Variants in DLG2 observed in about 807,000 individuals in gnomAD.
DLG2 encodes disks large homolog 2.
In DLG2, 45 loss-of-function variants were observed where a neutral mutation model predicts 132.5. That is an observed-to-expected ratio of 0.34 (90% CI 0.27 to 0.44). The LOEUF (loss-of-function observed/expected upper bound fraction) is 0.44. Ranked by LOEUF, DLG2 falls within the 20% of genes least tolerant of loss-of-function variation. The pLI, the probability that DLG2 is intolerant of heterozygous loss-of-function variation, is 1.00. For synonymous variants in DLG2, 424 were observed against 419.6 expected (o/e 1.01, Z -0.13); for missense variants, 1,045 against 1,196.9 (o/e 0.87, Z 1.87).
intron 7 of DLG2, among the ~76,000 whole-genome samples, chr11:84,424,715 T>A (rs867243085): frequency 1.3e-5 from 2 of 152,096 alleles, no homozygotes; most frequent in Non-Finnish European, 2.9e-5. Context: ...ACAGTTTCTT[T>A]AAGGCATTTT....
chr11:85,170,267 G>C (rs1001802939), intron 4 of DLG2, among the ~76,000 whole-genome samples: 18 of 152,248 alleles, frequency 1.2e-4, no homozygotes, highest in African/African-American at 4.3e-4. Flanking sequence ...AGTAAGGCCT[G>C]TTTGTTCAGA....
At chr11:85,398,334 C>A (rs1005949134) in intron 3 of DLG2, among the ~76,000 whole-genome samples, 4 of 152,108 alleles carry the variant, frequency 2.6e-5, no homozygotes, top group South Asian at 4.1e-4. Flanking sequence ...CAGGAAAGAT[C>A]TAAAATTGAC....
Position 85,168,971 on chromosome 11 carries a change from A to C in DLG2, c.187-14320T>G, listed in dbSNP as rs567896395. Among the ~76,000 whole-genome samples, 5 of 152,314 alleles carry C rather than the reference A, an allele frequency of 3.3e-5. No homozygotes were observed. In the East Asian group the frequency reaches 9.6e-4, roughly 29 times the overall value. On this transcript the variant is annotated intron_variant, in intron 4 of 27. Coordinates refer to ENST00000376104, the MANE Select transcript of DLG2 (RefSeq NM_001142699.3). Reference sequence around the variant, plus strand: ...AAGCAAAGTGCTAAAGAACACGGTCATCCCCTCAGTACCCATGTGGAGTTG... The same window carrying C: ...AAGCAAAGTGCTAAAGAACACGGTCCTCCCCTCAGTACCCATGTGGAGTTG...
At chr11:84,665,529 A>C (rs2099698937) in intron 6 of DLG2, among the ~76,000 whole-genome samples, 1 of 152,024 alleles carries the variant, frequency 6.6e-6, no homozygotes, top group Admixed American at 6.6e-5. Flanking sequence ...ATTCCCCTTC[A>C]GTCCTTTCTC....
chr11:84,841,126 C>T (rs994902620), intron 6 of DLG2, among the ~76,000 whole-genome samples: 1 of 151,724 alleles, frequency 6.6e-6, no homozygotes, highest in Non-Finnish European at 1.5e-5. Flanking sequence ...TCACATGACA[C>T]CATTTATGTA....
At chr11:84,394,432 G>C (rs912917748) in intron 7 of DLG2, among the ~76,000 whole-genome samples, 2 of 150,500 alleles carry the variant, frequency 1.3e-5, no homozygotes, top group Non-Finnish European at 2.9e-5. Context: ...TATATATTGA[G>C]ATATACACTG....
intron 3 of DLG2, among the ~76,000 whole-genome samples, chr11:85,315,219 T>G (rs1207610604): frequency 6.6e-6 from 1 of 152,008 alleles, no homozygotes; most frequent in East Asian, 1.9e-4. Flanking sequence ...CCCCATGTGC[T>G]TTTTACCTCA....
chr11:84,274,658 CT>C (rs1393226550), intron 7 of DLG2, among the ~76,000 whole-genome samples: 1 of 152,150 alleles, frequency 6.6e-6, no homozygotes, highest in African/African-American at 2.4e-5. Context: ...ACCTTCATTT[CT>C]TTTCAATTTT....
intron 6 of DLG2, among the ~76,000 whole-genome samples, chr11:84,950,965 T>C (rs1289234098): frequency 2.0e-5 from 3 of 152,250 alleles, no homozygotes; most frequent in Non-Finnish European, 2.9e-5. Context: ...ATTTTTACTT[T>C]GGTTTGTTTC....
At chr11:84,979,064 C>T (rs987192926) in intron 6 of DLG2, among the ~76,000 whole-genome samples, 1 of 152,198 alleles carries the variant, frequency 6.6e-6, no homozygotes, top group Non-Finnish European at 1.5e-5. Flanking sequence ...AAAAAATGCT[C>T]ATCATCACTG....
At chr11:85,476,331 AG>A (rs2093140873) in intron 3 of DLG2, among the ~76,000 whole-genome samples, 2 of 133,852 alleles carry the variant, frequency 1.5e-5, no homozygotes, top group Non-Finnish European at 1.7e-5. Context: ...TGGGTGAGTC[AG>A]TAAAGGAGTG....
intron 18 of DLG2, among the ~76,000 whole-genome samples, chr11:83,674,687 CA>C (rs1305896960): frequency 6.6e-6 from 1 of 152,326 alleles, no homozygotes; most frequent in East Asian, 1.9e-4. Flanking sequence ...TTCTCTGACT[CA>C]AGCATGTTTT....
intron 14 of DLG2, among the ~76,000 whole-genome samples, chr11:83,950,155 G>A (rs1310231882): frequency 4.6e-5 from 7 of 152,186 alleles, no homozygotes. Context: ...ATTAACCAAT[G>A]TATATCAAAG....
intron 6 of DLG2, among the ~76,000 whole-genome samples, chr11:84,583,901 G>A (rs1422589697): frequency 6.6e-6 from 1 of 151,788 alleles, no homozygotes; most frequent in African/African-American, 2.4e-5. Context: ...TATTTTTAAT[G>A]CTATATATTA....
chr11:85,536,843 CTTGA>C (rs1352143366), intron 3 of DLG2, among the ~76,000 whole-genome samples: 2 of 152,310 alleles, frequency 1.3e-5, no homozygotes, highest in South Asian at 2.1e-4. Context: ...CTCTTTTCCT[CTTGA>C]TTGTCTGGGA....
At chr11:84,882,949 C>G (rs770455097) in intron 6 of DLG2, among the ~76,000 whole-genome samples, 13 of 152,020 alleles carry the variant, frequency 8.6e-5, no homozygotes, top group Non-Finnish European at 1.6e-4. Context: ...CCCAGCAATC[C>G]CATTCCTGGG....
At chr11:85,202,173 C>A (rs1190050141) in intron 4 of DLG2, among the ~76,000 whole-genome samples, 1 of 149,714 alleles carries the variant, frequency 6.7e-6, no homozygotes, top group Non-Finnish European at 1.5e-5. Context: ...ACTTTGCAAA[C>A]CTGGAAAAAA....
In DLG2 at chr11:84,082,241, T is replaced by A. The variant is rs564116709; in HGVS notation, c.749+16682A>T. On this transcript the variant is annotated intron_variant, in intron 10 of 27. Transcript: ENST00000376104. ...TTTACAAAATATTTTTAAAGTACAA[T>A]GCCTGTGTTATGGTATTAAATGAAA... is the stretch of plus-strand genomic sequence containing the variant. Among the ~76,000 whole-genome samples, 287 of 152,264 alleles carry A rather than the reference T, an allele frequency of 1.9e-3. 1 individual carries two copies. The highest frequency in any genetic ancestry group is 6.5e-3 in the African/African-American group (270 of 41,568).
In DLG2 at chr11:84,844,137, A is replaced by G. The variant is rs201669464; in HGVS notation, c.357+267524T>C. Among the ~76,000 whole-genome samples, 337 of 40,020 alleles carry G rather than the reference A, an allele frequency of 8.4e-3. 1 individual carries two copies. Among genetic ancestry groups the G allele is most frequent in the African/African-American group, 0.024 (262 of 10,766 alleles). The allele number at this position is 40,020 out of a possible 152,430, so 26.3% of individuals were successfully genotyped here. On this transcript the variant is annotated intron_variant, in intron 6 of 27. Transcript: ENST00000376104. ...TGTGTGTGTGTGTGTGTGTGTGTGTATATATATATATATATATATATATAT... is the reference window on the plus strand; with the variant it reads ...TGTGTGTGTGTGTGTGTGTGTGTGTGTATATATATATATATATATATATAT...
Sources: gnomAD v4.1 joint callset for allele counts (sites outside exome capture counted in the v4.1 genomes callset) on GRCh38, gnomAD v4.1.1 for gene constraint, MANE v1.5 for transcripts, NCBI Gene and HGNC (gene_info 2026-07-23, HGNC 2026-07-21) for gene names.